HDAC4: variants seen among roughly 807,000 people sequenced by gnomAD.
HDAC4 encodes histone deacetylase A.
A neutral mutation model predicts 135.1 loss-of-function variants in HDAC4; 16 were observed. The ratio of observed to expected loss-of-function variants is 0.12; its 90% CI spans 0.08 to 0.18. HDAC4 has a LOEUF of 0.18. Among genes scored for constraint, HDAC4 ranks in the 10% least tolerant of loss-of-function variants. The pLI is 1.00. For synonymous variants in HDAC4, 685 were observed against 653.4 expected, an observed-to-expected ratio of 1.05 and a Z score of -0.74; for missense variants, 1,143 against 1,511.8, an observed-to-expected ratio of 0.76 and a Z score of 4.05.
intron 7 of HDAC4, among the ~76,000 whole-genome samples, chr2:239,147,131 T>C (rs2041819127): frequency 6.6e-6 from 1 of 152,164 alleles, no homozygotes; most frequent in African/African-American, 2.4e-5. Context: ...GGGAGGGGAT[T>C]GAGCAGCAGC....
chr2:239,095,153 G>A, intron 16 of HDAC4, 97 bp from the exon 17 acceptor site: 1 of 1,293,886 alleles, frequency 7.7e-7, no homozygotes, highest in Admixed American at 1.7e-5. Context: ...GTGGCACTTG[G>A]GCATTTGTGG....
intron 1 of HDAC4, among the ~76,000 whole-genome samples, chr2:239,377,907 CACCTG>C (rs1406377185): frequency 1.3e-5 from 2 of 152,158 alleles, no homozygotes; most frequent in African/African-American, 4.8e-5. Context: ...GGGAGCGCCC[CACCTG>C]CTTGGTTTTA....
In HDAC4 at chr2:239,049,150, G is replaced by C. The variant is rs1252407929; in HGVS notation, c.*3947C>G. 1 of 152,356 alleles carries C rather than the reference G, an allele frequency of 6.6e-6. No homozygotes were observed. The highest frequency in any genetic ancestry group is 2.4e-5 in the African/African-American group (1 of 41,446). 9.4% of individuals were successfully genotyped at this position (152,356 alleles called of 1,614,324 possible). A position where few individuals can be genotyped will look rare whatever the true frequency, so the allele number is the denominator to read the frequency against. The stretch of plus-strand genomic sequence containing the variant: ...TATTATTGGTATGTCACAAGTGCTA[G>C]ATAAACTTTTTTTCTTAATATGACA... On this transcript the variant is annotated 3_prime_UTR_variant, in exon 27 of 27. Transcript: ENST00000543185.
At chr2:239,378,811 T>C (rs889290723) in intron 1 of HDAC4, among the ~76,000 whole-genome samples, 23 of 152,192 alleles carry the variant, frequency 1.5e-4, no homozygotes, top group Non-Finnish European at 3.4e-4. Flanking sequence ...CATCTCCTAC[T>C]CTCCTTCCTG....
intron 1 of HDAC4, among the ~76,000 whole-genome samples, chr2:239,383,705 C>G: frequency 6.6e-6 from 1 of 150,800 alleles, no homozygotes; most frequent in African/African-American, 2.4e-5. Flanking sequence ...CACTCAAGGG[C>G]GTGGGGTGGG....
In HDAC4 at chr2:239,160,918, C is replaced by G. The variant is rs149701799; in HGVS notation, c.611+2885G>C. 1.7e-4 allele frequency among the ~76,000 whole-genome samples: 26 copies of G among 152,364 alleles called. No individual in the cohort carries two copies. The East Asian group carries it at 4.8e-3, about 28-fold the overall frequency. On this transcript the variant is annotated intron_variant, in intron 6 of 26. Coordinates refer to ENST00000543185, the MANE Select transcript of HDAC4 (RefSeq NM_001378414.1). ...CACGTGTGATTCAGATTCCAACAGG[C>G]AGCACACAGAGGTCCAGGGACACCG...
intron 5 of HDAC4, among the ~76,000 whole-genome samples, chr2:239,169,252 C>A (rs1047326980): frequency 3.9e-5 from 6 of 152,202 alleles, no homozygotes; most frequent in Non-Finnish European, 5.9e-5. Flanking sequence ...ACATAGGATA[C>A]ACCCTGGGCT....
chr2:239,188,256 C>A (rs946435846), intron 4 of HDAC4, among the ~76,000 whole-genome samples: 1 of 152,242 alleles, frequency 6.6e-6, no homozygotes, highest in East Asian at 1.9e-4. Context: ...CAGCCTCCCC[C>A]ACAATCTGCC....
intron 12 of HDAC4, among the ~76,000 whole-genome samples, chr2:239,119,618 G>A (rs1038737260): frequency 1.1e-4 from 16 of 151,846 alleles, no homozygotes; most frequent in African/African-American, 3.6e-4. Flanking sequence ...AGAGATGGGA[G>A]CTCAGAGCTC....
At chr2:239,132,392 GGC>G (rs1278170380) in intron 11 of HDAC4, among the ~76,000 whole-genome samples, 1 of 152,184 alleles carries the variant, frequency 6.6e-6, no homozygotes, top group African/African-American at 2.4e-5. Context: ...ATGAGCTGCT[GGC>G]AACCTGGGGA....
chr2:239,102,804 C>T lies in HDAC4; in HGVS notation c.2205G>A (p.Arg735=). ...TLLYGTNPLN[R]QKLDSKKLLG... ...GAAGTTTCTTACTGTCCAGTTTCTG[C>T]CGGTTGAGGGGGTTCGTGCCATACA... is the stretch of plus-strand genomic sequence containing the variant. Residue 735 remains arginine (R), a synonymous_variant, in exon 16 of 27, where the codon CGG becomes CGA. Coordinates refer to ENST00000543185, the MANE Select transcript of HDAC4 (RefSeq NM_001378414.1). 11 of 1,613,858 alleles carry T rather than the reference C, an allele frequency of 6.8e-6. No homozygotes were observed. Among genetic ancestry groups the T allele is most frequent in the Non-Finnish European group, 9.3e-6 (11 of 1,179,986 alleles).
intron 1 of HDAC4, among the ~76,000 whole-genome samples, chr2:239,357,034 T>A (rs920089502): frequency 1.3e-5 from 2 of 152,168 alleles, no homozygotes; most frequent in African/African-American, 4.8e-5. Flanking sequence ...CAAAATGACA[T>A]TCATGGAACA....
chr2:239,117,676 C>T (rs1559461134), intron 12 of HDAC4, among the ~76,000 whole-genome samples: 1 of 151,978 alleles, frequency 6.6e-6, no homozygotes, highest in African/African-American at 2.4e-5. Flanking sequence ...AGCTGCATTC[C>T]TCTGCAGACT....
chr2:239,381,610 C>T lies in HDAC4; in HGVS notation c.-220+19368G>A, dbSNP rs569898272. ...ACAGTGGAACAAAATCCATACTGGG[C>T]AAATGCGGTGCCATTTACTTCTAAT... On this transcript the variant is annotated intron_variant, in intron 1 of 26. Coordinates refer to ENST00000543185, the MANE Select transcript of HDAC4 (RefSeq NM_001378414.1). Among the ~76,000 whole-genome samples, 173 of 152,294 alleles carry T rather than the reference C, an allele frequency of 1.1e-3. 1 individual carries two copies. Among genetic ancestry groups the T allele is most frequent in the African/African-American group, 3.9e-3 (163 of 41,554 alleles).
At chr2:239,140,489 C>T (rs892782707) in intron 8 of HDAC4, among the ~76,000 whole-genome samples, 1 of 152,196 alleles carries the variant, frequency 6.6e-6, no homozygotes, top group African/African-American at 2.4e-5. Context: ...CACACATCCA[C>T]CGTGGGAGGC....
chr2:239,154,782 C>A (rs898884478), intron 7 of HDAC4: 1 of 152,214 alleles, frequency 6.6e-6, no homozygotes, highest in African/African-American at 2.4e-5. Context: ...TTCTTTCTGT[C>A]AAGCTTTAGG....
intron 2 of HDAC4, among the ~76,000 whole-genome samples, chr2:239,269,202 C>T (rs2049916768): frequency 6.6e-6 from 1 of 152,000 alleles, no homozygotes; most frequent in Admixed American, 6.6e-5. Flanking sequence ...CACACATTCA[C>T]ACACCCACAC....
At chr2:239,243,540 G>C (rs1192847536) in intron 2 of HDAC4, among the ~76,000 whole-genome samples, 1 of 152,144 alleles carries the variant, frequency 6.6e-6, no homozygotes, top group Non-Finnish European at 1.5e-5. Flanking sequence ...GAGTAGTATA[G>C]GTCACACCTC....
chr2:239,335,099 T>C (rs1691843584), intron 2 of HDAC4, among the ~76,000 whole-genome samples: 1 of 151,910 alleles, frequency 6.6e-6, no homozygotes. Flanking sequence ...TGAAAAGTTT[T>C]AAAAAGTTGG....
Sources: gnomAD v4.1 joint callset for allele counts (sites outside exome capture counted in the v4.1 genomes callset) on GRCh38, gnomAD v4.1.1 for gene constraint, MANE v1.5 for transcripts, NCBI Gene and HGNC (gene_info 2026-07-23, HGNC 2026-07-21) for gene names.